RYR2: variants seen among roughly 807,000 people sequenced by gnomAD.
The protein encoded by RYR2 is cardiac muscle ryanodine receptor-calcium release channel.
A neutral mutation model predicts 601.1 loss-of-function variants in RYR2; 227 were observed. The observed-to-expected ratio is 0.38, with a 90% CI of 0.34 to 0.42. RYR2 has a LOEUF of 0.42. Among genes scored for constraint, RYR2 ranks in the 10% least tolerant of loss-of-function variants. RYR2 has a pLI of 1.00. For missense variants in RYR2, 4,646 were observed against 6,156.5 expected, an observed-to-expected ratio of 0.75 and a Z score of 8.21; for synonymous variants, 2,223 against 2,175.1, an observed-to-expected ratio of 1.02 and a Z score of -0.61.
At chr1:237,296,800 A>G (rs1440468068) in intron 2 of RYR2, among the ~76,000 whole-genome samples, 4 of 152,238 alleles carry the variant, frequency 2.6e-5, no homozygotes, top group Non-Finnish European at 5.9e-5. Flanking sequence ...GAGGCAGATC[A>G]GAGGAGAATG....
At chr1:237,648,332 C>G (rs1157131336) in intron 48 of RYR2, 112 bp from the exon 49 acceptor site, 2 of 955,640 alleles carry the variant, frequency 2.1e-6, no homozygotes, top group African/African-American at 1.7e-5. Flanking sequence ...GAACAGAAAG[C>G]CATTTCATTG....
At chr1:237,204,507 A>T (rs1240294774) in intron 1 of RYR2, among the ~76,000 whole-genome samples, 3 of 89,612 alleles carry the variant, frequency 3.3e-5, no homozygotes, top group Non-Finnish European at 9.0e-5. Context: ...CAAAAACAAA[A>T]AAAAAAAAAA....
intron 1 of RYR2, among the ~76,000 whole-genome samples, chr1:237,138,223 A>G (rs2485575): frequency 1 from 151,993 of 152,166 alleles, 75,910 homozygotes; most frequent in Non-Finnish European, 1. Context: ...GGTAGAAACG[A>G]GGTTTTGCCA....
intron 79 of RYR2, among the ~76,000 whole-genome samples, chr1:237,737,992 T>G (rs970744867): frequency 2.0e-5 from 3 of 152,166 alleles, no homozygotes; most frequent in Non-Finnish European, 4.4e-5. Flanking sequence ...AGCGGGTAGT[T>G]TTTGGAAGCT....
chr1:237,384,585 C>G (rs1481261133), intron 8 of RYR2, among the ~76,000 whole-genome samples: 2 of 152,218 alleles, frequency 1.3e-5, no homozygotes, highest in Non-Finnish European at 2.9e-5. Context: ...AATAAAAATC[C>G]CCAAATGGTT....
rs1270375024 is a variant in RYR2 at position 237,053,030 on chromosome 1, G to A, written c.48+10461G>A. Among the ~76,000 whole-genome samples, 3 of 152,080 alleles carry A rather than the reference G, an allele frequency of 2.0e-5. No homozygotes were observed. In the East Asian group the frequency reaches 5.8e-4, roughly 29 times the overall value. ...TGCCAAGCTAATTTTTGTATTTTTA[G>A]TAGAGATGGGGTTTCACCATGTTGG... is the stretch of plus-strand genomic sequence containing the variant. On this transcript the variant is annotated intron_variant, in intron 1 of 104. Coordinates refer to ENST00000366574, the MANE Select transcript of RYR2 (RefSeq NM_001035.3).
At chr1:237,549,200 G>A (rs912044563) in intron 26 of RYR2, among the ~76,000 whole-genome samples, 1 of 152,140 alleles carries the variant, frequency 6.6e-6, no homozygotes, top group Non-Finnish European at 1.5e-5. Context: ...AGATATTCAG[G>A]TATTTGGGTA....
At chr1:237,178,430 G>A (rs1177326822) in intron 1 of RYR2, among the ~76,000 whole-genome samples, 2 of 138,866 alleles carry the variant, frequency 1.4e-5, no homozygotes, top group African/African-American at 6.2e-5. Flanking sequence ...GTGTGTGTGT[G>A]TGTGTGTGTG....
chr1:237,075,026 C>A (rs943516493), intron 1 of RYR2, among the ~76,000 whole-genome samples: 1 of 152,090 alleles, frequency 6.6e-6, no homozygotes, highest in Non-Finnish European at 1.5e-5. Context: ...GTGGGAGTCA[C>A]CCCATGTTTA....
In RYR2 at chr1:237,818,215, C is replaced by T. The variant is rs150404329; in HGVS notation, c.14434-821C>T. On this transcript the variant is annotated intron_variant, in intron 100 of 104. Coordinates refer to ENST00000366574, the MANE Select transcript of RYR2 (RefSeq NM_001035.3). ...TGACTTCATTTGCCACCCCCTGCCC[C>T]AGGACATTTGGTATCTGGAGATATC... 6.4e-3 allele frequency among the ~76,000 whole-genome samples: 977 copies of T among 152,260 alleles called. 11 individuals carry two copies. The highest frequency in any genetic ancestry group is 0.02 in the Middle Eastern group (6 of 294).
chr1:237,636,282 G>A (rs1336932840), intron 44 of RYR2, among the ~76,000 whole-genome samples: 2 of 152,042 alleles, frequency 1.3e-5, no homozygotes, highest in African/African-American at 2.4e-5. Flanking sequence ...TTTTTCCTCT[G>A]TTGTTAACTG....
rs1268038630 is a variant in RYR2, at chr1:237,819,775, G to C, written c.14590+583G>C. On this transcript the variant is annotated intron_variant, in intron 101 of 104. Coordinates refer to ENST00000366574, the MANE Select transcript of RYR2 (RefSeq NM_001035.3). This position sits in a 1 kb window ranked among gnomAD's most constrained non-coding sequence, Gnocchi z 4.0. ...GGAGGTTGCAGTGAGCCAAGATCACGCCACTGCACTCCAGCCTGGGCAACA... is the reference window on the plus strand; with the variant it reads ...GGAGGTTGCAGTGAGCCAAGATCACCCCACTGCACTCCAGCCTGGGCAACA... Among the ~76,000 whole-genome samples, 1 of 151,538 alleles carries C rather than the reference G, an allele frequency of 6.6e-6. No homozygotes were observed. Among genetic ancestry groups the C allele is most frequent in the Non-Finnish European group, 1.5e-5 (1 of 67,862 alleles).
At chr1:237,200,644 T>A (rs1316310277) in intron 1 of RYR2, among the ~76,000 whole-genome samples, 1 of 152,194 alleles carries the variant, frequency 6.6e-6, no homozygotes, top group East Asian at 1.9e-4. Context: ...TCTGGGGGGA[T>A]TACTTTTGCC....
chr1:237,674,960 TC>T, intron 60 of RYR2, 114 bp downstream of exon 60: 1 of 527,822 alleles, frequency 1.9e-6, no homozygotes, highest in Non-Finnish European at 3.4e-6. Flanking sequence ...TATAAACCCA[TC>T]TATTCATCCT....
At chr1:237,478,703 C>T (rs879002859) in intron 17 of RYR2, among the ~76,000 whole-genome samples, 1 of 152,068 alleles carries the variant, frequency 6.6e-6, no homozygotes, top group Admixed American at 6.5e-5. Flanking sequence ...ATTAGTATTC[C>T]CATTTCACAG....
intron 1 of RYR2, among the ~76,000 whole-genome samples, chr1:237,082,558 A>ATATAT (rs1558200818): frequency 0.01 from 252 of 24,176 alleles, 3 homozygotes; most frequent in African/African-American, 0.015. Context: ...TATATATATA[A>ATATAT]AATCGGATAT....
In RYR2 at chr1:237,469,271, A is replaced by AAC. The variant is rs1478311158; in HGVS notation, c.1708+85_1708+86insCA. ...TATCCTTTAAGACAAAAAAAAAAAA[A>AAC]AAAAAAAACAACTTTGAGTGAGGTG... is the stretch of plus-strand genomic sequence containing the variant. On this transcript the variant is annotated intron_variant, in intron 17 of 104. Coordinates refer to ENST00000366574, the MANE Select transcript of RYR2 (RefSeq NM_001035.3). The AAC allele has an allele frequency of 2.8e-5, 22 of 794,446 alleles. No individual in the cohort carries two copies. The African/African-American group carries it at 4.0e-4, about 14-fold the overall frequency. 49.2% of individuals were successfully genotyped at this position (794,446 alleles called of 1,614,324 possible).
chr1:237,104,387 C>T (rs1668444832), intron 1 of RYR2, among the ~76,000 whole-genome samples: 1 of 152,176 alleles, frequency 6.6e-6, no homozygotes, highest in Admixed American at 6.5e-5. Context: ...AAACTCTGCT[C>T]TGCCCTCACC....
At chr1:237,375,862 T>G (rs773010095) in intron 7 of RYR2, among the ~76,000 whole-genome samples, 9 of 152,208 alleles carry the variant, frequency 5.9e-5, no homozygotes, top group Non-Finnish European at 1.0e-4. Flanking sequence ...TAGAATTTGT[T>G]TTCATACATT....
Sources: allele counts gnomAD v4.1 joint callset (sites outside exome capture counted in the v4.1 genomes callset), GRCh38; gene constraint gnomAD v4.1.1; non-coding constraint Gnocchi (gnomAD v3.1); transcripts MANE v1.5; gene names NCBI Gene and HGNC (gene_info 2026-07-23, HGNC 2026-07-21).